The following RABGEF1 variants were observed in gnomAD, a reference collection of about 807,000 sequenced individuals.
The protein encoded by RABGEF1 is rab5 GDP/GTP exchange factor.
In RABGEF1, 26 loss-of-function variants were observed where a neutral mutation model predicts 57.3. The observed-to-expected ratio is 0.45, with a 90% CI of 0.33 to 0.63. RABGEF1 has a LOEUF of 0.63. Ranked by LOEUF, RABGEF1 falls within the 20% of genes least tolerant of loss-of-function variation. RABGEF1 has a pLI of 0.02. For synonymous variants in RABGEF1, 185 were observed against 210.7 expected (o/e 0.88, Z 1.06); for missense variants, 464 against 607.6 (o/e 0.76, Z 2.48).
intron 1 of RABGEF1, among the ~76,000 whole-genome samples, chr7:66,702,403 G>T (rs1192052674): frequency 6.8e-6 from 1 of 146,472 alleles, no homozygotes. Context: ...GCTCCTTTAG[G>T]GTCTGACTTT....
rs918833392 is a variant in RABGEF1, at chr7:66,810,196, C to G, written c.*912C>G. On this transcript the variant is annotated 3_prime_UTR_variant, in exon 9 of 9. Coordinates refer to ENST00000284957, the MANE Select transcript of RABGEF1 (RefSeq NM_014504.3). Reference sequence around the variant, plus strand: ...GCTGTGAGATGCAAGGGGCGCCTTGCAGCCTCCATAATATACATTTGACTT... The same window carrying G: ...GCTGTGAGATGCAAGGGGCGCCTTGGAGCCTCCATAATATACATTTGACTT... 1.3e-5 allele frequency: 2 copies of G among 152,170 alleles called. No homozygotes were observed. Among genetic ancestry groups the G allele is most frequent in the East Asian group, 3.9e-4 (2 of 5,190 alleles). The allele number at this position is 152,170 out of a possible 1,614,324, so 9.4% of individuals were successfully genotyped here. A position where few individuals can be genotyped will look rare whatever the true frequency, so the allele number is the denominator to read the frequency against.
intron 1 of RABGEF1, among the ~76,000 whole-genome samples, chr7:66,683,581 G>A (rs1790122737): frequency 6.6e-6 from 1 of 152,154 alleles, no homozygotes; most frequent in Non-Finnish European, 1.5e-5. Flanking sequence ...GGGCATTTAG[G>A]CCATGCTGTT....
In RABGEF1 at chr7:66,682,678, C is replaced by G. The variant is rs562096180; in HGVS notation, c.-873+420C>G. Among the ~76,000 whole-genome samples, 4 of 147,224 alleles carry G rather than the reference C, an allele frequency of 2.7e-5. No individual in the cohort carries two copies. The South Asian group carries it at 8.7e-4, about 32-fold the overall frequency. On this transcript the variant is annotated intron_variant and NMD_transcript_variant, in intron 1 of 9. Coordinates refer to the RABGEF1 transcript ENST00000607882. ...CCCCGGAACGCGCCGGGATGGGACG[C>G]TCGGACCCAGACCACAGCCCCCGGC...
chr7:66,676,291 T>A, the RABGEF1 span, among the ~76,000 whole-genome samples: 1 of 151,960 alleles, frequency 6.6e-6, no homozygotes, highest in Admixed American at 6.6e-5. Context: ...TCAAAAAATA[T>A]ATATATATAT....
At chr7:66,671,409 T>C in the RABGEF1 span, among the ~76,000 whole-genome samples, 1 of 152,012 alleles carries the variant, frequency 6.6e-6, no homozygotes, top group Non-Finnish European at 1.5e-5. Flanking sequence ...TAATCCCACA[T>C]AGGGGGGTAG....
At chr7:66,700,395 C>T (rs1204320013) in intron 1 of RABGEF1, among the ~76,000 whole-genome samples, 2 of 150,878 alleles carry the variant, frequency 1.3e-5, no homozygotes, top group Non-Finnish European at 3.0e-5. Flanking sequence ...GACTAGAGGT[C>T]TCCCCGGAAA....
intron 1 of RABGEF1, among the ~76,000 whole-genome samples, chr7:66,711,893 T>C (rs1049052057): frequency 6.6e-6 from 1 of 152,148 alleles, no homozygotes; most frequent in African/African-American, 2.4e-5. Flanking sequence ...GACTGTATAC[T>C]CTATTCTTTT....
intron 1 of RABGEF1, among the ~76,000 whole-genome samples, chr7:66,767,659 G>C (rs909187067): frequency 1.3e-5 from 2 of 152,124 alleles, no homozygotes; most frequent in African/African-American, 4.8e-5. Flanking sequence ...CATGACTGGG[G>C]CTTGTAAGTG....
intron 2 of RABGEF1, among the ~76,000 whole-genome samples, chr7:66,733,855 A>T (rs1158918055): frequency 3.3e-5 from 5 of 152,186 alleles, no homozygotes; most frequent in Admixed American, 6.5e-5. Flanking sequence ...ATATAAAAAA[A>T]TTAGCCAGGT....
intron 1 of RABGEF1, among the ~76,000 whole-genome samples, chr7:66,706,617 G>A (rs927320204): frequency 7.9e-5 from 12 of 151,334 alleles, no homozygotes; most frequent in African/African-American, 2.4e-4. Context: ...CACCATGTTA[G>A]CCAGGATGGT....
chr7:66,733,774 G>A (rs1289619650), intron 2 of RABGEF1, among the ~76,000 whole-genome samples: 3 of 152,208 alleles, frequency 2.0e-5, no homozygotes, highest in East Asian at 1.9e-4. Context: ...AGGCTGAGAC[G>A]GGCAGATCAT....
chr7:66,702,285 G>C lies in RABGEF1; in HGVS notation c.-872-9882G>C, dbSNP rs116543944. ...TCATTGTATGGATAGACCACAATTT[G>C]TTTATCCATTCATCCATTGGTGGAT... is the stretch of plus-strand genomic sequence containing the variant. On this transcript the variant is annotated intron_variant and NMD_transcript_variant, in intron 1 of 9. Coordinates refer to the RABGEF1 transcript ENST00000607882. Among the ~76,000 whole-genome samples, 964 of 151,598 alleles carry C rather than the reference G, an allele frequency of 6.4e-3. 15 individuals carry two copies. The highest frequency in any genetic ancestry group is 0.022 in the African/African-American group (899 of 41,270).
At chr7:66,792,923 G>A (rs1813065554) in intron 4 of RABGEF1, among the ~76,000 whole-genome samples, 2 of 152,192 alleles carry the variant, frequency 1.3e-5, no homozygotes, top group Non-Finnish European at 2.9e-5. Flanking sequence ...TACAAGAATG[G>A]AAAGCAGGAT....
intron 2 of RABGEF1, among the ~76,000 whole-genome samples, chr7:66,730,557 C>CTTTTTTTT (rs888301191): frequency 1.5e-5 from 2 of 130,834 alleles, no homozygotes; most frequent in East Asian, 2.2e-4. Context: ...GTTTCTTTTT[C>CTTTTTTTT]TTTTTTTTTT....
At chr7:66,771,541 C>G (rs977177188) in intron 1 of RABGEF1, among the ~76,000 whole-genome samples, 1 of 152,128 alleles carries the variant, frequency 6.6e-6, no homozygotes, top group Admixed American at 6.6e-5. Flanking sequence ...AATCCAGTGT[C>G]GGGAAGCTTT....
intron 1 of RABGEF1, among the ~76,000 whole-genome samples, chr7:66,683,987 C>T (rs967145502): frequency 2.0e-5 from 3 of 152,128 alleles, no homozygotes; most frequent in African/African-American, 7.2e-5. Context: ...GCCATTCTCC[C>T]GCCTCAAGTG....
chr7:66,798,643 CT>C (rs1781180128), intron 6 of RABGEF1, among the ~76,000 whole-genome samples: 1 of 152,118 alleles, frequency 6.6e-6, no homozygotes, highest in African/African-American at 2.4e-5. Flanking sequence ...CCGTGGCCTC[CT>C]ATACAAGCTC....
chr7:66,786,844 A>G (rs868120116), intron 4 of RABGEF1, among the ~76,000 whole-genome samples: 1 of 152,248 alleles, frequency 6.6e-6, no homozygotes, highest in Non-Finnish European at 1.5e-5. Context: ...TTAAAACAAG[A>G]TATTTCCATT....
At chr7:66,765,064 G>A (rs894025642) in intron 1 of RABGEF1, among the ~76,000 whole-genome samples, 28 of 151,708 alleles carry the variant, frequency 1.8e-4, no homozygotes, top group African/African-American at 6.5e-4. Context: ...TTTTTGCAGT[G>A]TAAGGTGACA....
Sources: allele counts gnomAD v4.1 joint callset (sites outside exome capture counted in the v4.1 genomes callset), GRCh38; gene constraint gnomAD v4.1.1; transcripts MANE v1.5; gene names NCBI Gene and HGNC (gene_info 2026-07-23, HGNC 2026-07-21).